TMEM236: variants seen among roughly 807,000 people sequenced by gnomAD.
TMEM236 encodes transmembrane protein 236, also known as family with sequence similarity 23, member A.
TMEM236 carries 11 observed loss-of-function variants against 14.7 expected under a neutral mutation model. The ratio of observed to expected loss-of-function variants is 0.75; its 90% CI spans 0.47 to 1.24. The LOEUF is 1.24. Among genes scored for constraint, TMEM236 ranks in the 50% most tolerant of loss-of-function variants. TMEM236 has a pLI of 0.00. For missense variants in TMEM236, 464 were observed against 427.3 expected (o/e 1.09, Z -0.76); for synonymous variants, 182 against 168.6 (o/e 1.08, Z -0.62).
Position 17,769,550 on chromosome 10 carries a change from G to A in TMEM236, c.258-1759G>A, listed in dbSNP as rs1473564641. On this transcript the variant is annotated intron_variant, in intron 1 of 3. Transcript: ENST00000377495. ...ATCTCTGGGGCATTGTCATCGTTTA[G>A]AGGTCAGGTTGAGAAGAAGAGAACT... Among the ~76,000 whole-genome samples, 4 of 152,326 alleles carry A rather than the reference G, an allele frequency of 2.6e-5. No homozygotes were observed. In the East Asian group the frequency reaches 7.7e-4, roughly 29 times the overall value.
chr10:17,766,952 C>T (rs1837476828), intron 1 of TMEM236, among the ~76,000 whole-genome samples: 2 of 152,234 alleles, frequency 1.3e-5, no homozygotes, highest in African/African-American at 4.8e-5. Flanking sequence ...AGTTTCTTCA[C>T]AGTCTTCCCT....
At position 17,796,125 on chromosome 10, in the gene TMEM236, G is replaced by A. The variant is rs1164514831; in HGVS notation, c.677G>A (p.Arg226Lys). ...QEPSCDSGIL[R>K]MMSRRDVRAE... ...CCCTCCTGTGACTCCGGAATCCTGAGAATGATGTCCCGGCGAGATGTCCGG... is the reference window on the plus strand; with the variant it reads ...CCCTCCTGTGACTCCGGAATCCTGAAAATGATGTCCCGGCGAGATGTCCGG... The change falls in exon 4 of 4, where the codon AGA becomes AAA. Residue 226 changes from arginine (R) to lysine (K), a missense_variant. Physicochemically the swap from Arg to Lys is conservative, Grantham distance 26 (BLOSUM62 2). Transcript: ENST00000377495. The A allele has an allele frequency of 3.1e-6, 5 of 1,613,824 alleles. No homozygotes were observed. Among genetic ancestry groups the A allele is most frequent in the Non-Finnish European group, 4.2e-6 (5 of 1,179,874 alleles).
chr10:17,762,152 C>T (rs1423487858), intron 1 of TMEM236, among the ~76,000 whole-genome samples: 1 of 152,116 alleles, frequency 6.6e-6, no homozygotes, highest in Non-Finnish European at 1.5e-5. Flanking sequence ...CTTCTCTGAG[C>T]TTACTGTATC....
At position 17,752,428 on chromosome 10, in the gene TMEM236, A is replaced by G; in HGVS notation, c.133A>G (p.Thr45Ala). The change falls in exon 1 of 4, where the codon ACA becomes GCA. Residue 45 changes from threonine to alanine, a missense_variant. By Grantham distance (58) the Thr-to-Ala change is moderately conservative. Coordinates refer to ENST00000377495, the MANE Select transcript of TMEM236 (RefSeq NM_001098844.3). ...YQGTRARSDNTHYWLIISCSI... is the reference protein window; with the variant it reads ...YQGTRARSDNAHYWLIISCSI... ...AGGAACAAGGGCTAGATCTGACAAC[A>G]CACACTACTGGCTGATCATCTCCTG... is the stretch of plus-strand genomic sequence containing the variant. 1 of 1,613,938 alleles carries G rather than the reference A, an allele frequency of 6.2e-7. No homozygotes were observed. The highest frequency in any genetic ancestry group is 8.5e-7 in the Non-Finnish European group (1 of 1,179,868).
chr10:17,791,271 A>G (rs1303673950), intron 3 of TMEM236, among the ~76,000 whole-genome samples: 2 of 147,864 alleles, frequency 1.4e-5, no homozygotes, highest in East Asian at 3.9e-4. Context: ...ATAGCAAGTC[A>G]TCCGTGTCTC....
chr10:17,774,262 C>T (rs1837623070), intron 2 of TMEM236, among the ~76,000 whole-genome samples: 1 of 152,132 alleles, frequency 6.6e-6, no homozygotes. Context: ...CCAGGCTGGT[C>T]TTGAACTCCT....
chr10:17,796,344 T>C lies in TMEM236; in HGVS notation c.896T>C (p.Leu299Ser). The C allele has an allele frequency of 6.2e-7, 1 of 1,613,994 alleles. No individual in the cohort carries two copies. Among genetic ancestry groups the C allele is most frequent in the South Asian group, 1.1e-5 (1 of 91,082 alleles). The change falls in exon 4 of 4, where the codon TTA becomes TCA. Residue 299 changes from leucine (L) to serine (S), a missense_variant. By Grantham distance (145) the Leu-to-Ser change is moderately radical (BLOSUM62 -2). Transcript: ENST00000377495. Reference protein sequence around the residue: ...LNSLSVLLQDLPFVFVRLGLI... With the variant: ...LNSLSVLLQDSPFVFVRLGLI... The stretch of plus-strand genomic sequence containing the variant: ...TCCCTGAGCGTCCTGCTGCAAGATT[T>C]ACCATTCGTTTTTGTTAGACTTGGT...
intron 3 of TMEM236, among the ~76,000 whole-genome samples, chr10:17,791,532 T>A (rs1433622214): frequency 6.6e-6 from 1 of 152,160 alleles, no homozygotes; most frequent in Non-Finnish European, 1.5e-5. Flanking sequence ...ATAAAGGGCT[T>A]GGAAAAGTGC....
chr10:17,756,392 T>TTCAC (rs2131739124), intron 1 of TMEM236, among the ~76,000 whole-genome samples: 1 of 152,108 alleles, frequency 6.6e-6, no homozygotes, highest in South Asian at 2.1e-4. Context: ...GCCTCCCAGG[T>TTCAC]TCACACGATT....
intron 1 of TMEM236, among the ~76,000 whole-genome samples, chr10:17,768,897 A>G (rs951571657): frequency 1.7e-4 from 26 of 152,264 alleles, no homozygotes; most frequent in African/African-American, 5.8e-4. Flanking sequence ...AGATTTTTTT[A>G]AATTGTGATA....
intron 3 of TMEM236, among the ~76,000 whole-genome samples, chr10:17,776,455 C>T (rs1837660102): frequency 1.3e-5 from 2 of 152,076 alleles, no homozygotes; most frequent in Non-Finnish European, 2.9e-5. Context: ...AAGAAATTAT[C>T]CAAGTAAATT....
chr10:17,759,362 G>C (rs1453061850), intron 1 of TMEM236, among the ~76,000 whole-genome samples: 1 of 152,194 alleles, frequency 6.6e-6, no homozygotes, highest in East Asian at 1.9e-4. Context: ...TTGGGACCTA[G>C]AGCTATATTT....
rs1003095119 is a variant in TMEM236 at position 17,798,594 on chromosome 10, C to G, written c.*2090C>G. 1.2e-4 allele frequency: 65 copies of G among 534,380 alleles called. No homozygotes were observed. The East Asian group carries it at 3.3e-3, about 27-fold the overall frequency. The allele number at this position is 534,380 out of a possible 1,614,324, so 33.1% of individuals were successfully genotyped here. The stretch of plus-strand genomic sequence containing the variant: ...ATTCTACGCTCCACCAAATACCTCT[C>G]CCCTTGCCACCCTGTCTCCCTTTCC... On this transcript the variant is annotated 3_prime_UTR_variant, in exon 4 of 4. Transcript: ENST00000377495.
rs1297440541 is a variant in TMEM236, at chr10:17,799,556, T to C, written c.*3052T>C. On this transcript the variant is annotated 3_prime_UTR_variant, in exon 4 of 4. Transcript: ENST00000377495. ...GTTGCAATGAGCTGAGATTGCGCCA[T>C]TGCACACCAGCCTGGGTGACAAGAG... 2.0e-5 allele frequency: 3 copies of C among 152,190 alleles called. No homozygotes were observed. The highest frequency in any genetic ancestry group is 6.6e-5 in the Admixed American group (1 of 15,244). 9.4% of individuals were successfully genotyped at this position (152,190 alleles called of 1,614,324 possible).
chr10:17,795,465 A>C (rs1837996299), intron 3 of TMEM236, among the ~76,000 whole-genome samples: 1 of 152,032 alleles, frequency 6.6e-6, no homozygotes, highest in African/African-American at 2.4e-5. Context: ...TATAGCTTAG[A>C]AACCAATAAT....
At chr10:17,757,455 C>T (rs1477931668) in intron 1 of TMEM236, among the ~76,000 whole-genome samples, 1 of 151,956 alleles carries the variant, frequency 6.6e-6, no homozygotes, top group Admixed American at 6.6e-5. Context: ...AAAAATTAGC[C>T]AGGCATGGTG....
chr10:17,794,421 C>T (rs1252616657), intron 3 of TMEM236, among the ~76,000 whole-genome samples: 2 of 152,220 alleles, frequency 1.3e-5, no homozygotes, highest in African/African-American at 4.8e-5. Context: ...AAAAAGAACT[C>T]GTTATACCTT....
At chr10:17,754,835 T>C (rs1384173700) in intron 1 of TMEM236, among the ~76,000 whole-genome samples, 1 of 152,222 alleles carries the variant, frequency 6.6e-6, no homozygotes, top group Non-Finnish European at 1.5e-5. Flanking sequence ...TTTTTCCTTT[T>C]AGATCTTCAG....
chr10:17,764,083 C>T (rs1159822481), intron 1 of TMEM236, among the ~76,000 whole-genome samples: 1 of 152,152 alleles, frequency 6.6e-6, no homozygotes, highest in South Asian at 2.1e-4. Context: ...TTTTGGAGAG[C>T]CTTGAAAGAT....
Sources: gnomAD v4.1 joint callset for allele counts (sites outside exome capture counted in the v4.1 genomes callset) on GRCh38, gnomAD v4.1.1 for gene constraint, MANE v1.5 for transcripts, NCBI Gene and HGNC (gene_info 2026-07-23, HGNC 2026-07-21) for gene names.